Variants in GRIA3 observed in about 807,000 individuals in gnomAD.
The protein encoded by GRIA3 is glutamate receptor 3.
A neutral mutation model predicts 63.0 loss-of-function variants in GRIA3; 3 were observed. The ratio of observed to expected loss-of-function variants is 0.05; its 90% confidence interval spans 0.02 to 0.12. GRIA3 has a LOEUF of 0.12. GRIA3 is among the 10% of genes least tolerant of loss of function. GRIA3 has a pLI of 1.00. For synonymous variants in GRIA3, 274 were observed against 257.9 expected (o/e 1.06, Z -0.60); for missense variants, 347 against 700.9 (o/e 0.50, Z 5.70).
At chrX:123,437,514 G>C (rs1243024953) in intron 12 of GRIA3, among the ~76,000 whole-genome samples, 1 of 60,894 alleles carries the variant, frequency 1.6e-5, no homozygotes, top group Non-Finnish European at 3.3e-5. Context: ...ATTCCAAACA[G>C]AAGTCATGCG....
At chrX:123,479,846 C>T (rs961837709) in intron 13 of GRIA3, among the ~76,000 whole-genome samples, 2 of 111,710 alleles carry the variant, frequency 1.8e-5, no homozygotes, top group Admixed American at 9.5e-5. Flanking sequence ...CAGTGTGTGC[C>T]GATTACTCAA....
At chrX:123,284,626 G>C (rs766257355) in intron 3 of GRIA3, among the ~76,000 whole-genome samples, 3 of 109,698 alleles carry the variant, frequency 2.7e-5, no homozygotes, top group African/African-American at 1.0e-4. Flanking sequence ...TAGCTGAATC[G>C]ATCAAGCAGA....
intron 4 of GRIA3, among the ~76,000 whole-genome samples, chrX:123,343,208 T>C (rs2045020375): frequency 8.9e-6 from 1 of 111,915 alleles, no homozygotes; most frequent in Non-Finnish European, 1.9e-5. Flanking sequence ...AAAAGCTCAG[T>C]ACATTTTAGC....
intron 11 of GRIA3, among the ~76,000 whole-genome samples, chrX:123,418,691 C>T (rs889327461): frequency 1.8e-5 from 2 of 111,949 alleles, no homozygotes; most frequent in Non-Finnish European, 3.8e-5. Flanking sequence ...AAATTAAAAC[C>T]ACAATGAGAT....
At chrX:123,307,249 T>C (rs1272828291) in intron 3 of GRIA3, among the ~76,000 whole-genome samples, 1 of 111,860 alleles carries the variant, frequency 8.9e-6, no homozygotes, top group Non-Finnish European at 1.9e-5. Flanking sequence ...TTCAGAATTT[T>C]CATCAATGTA....
chrX:123,282,743 T>TAA (rs2044593629), intron 3 of GRIA3, among the ~76,000 whole-genome samples: 1 of 112,206 alleles, frequency 8.9e-6, no homozygotes, highest in Non-Finnish European at 1.9e-5. Context: ...CTGTCTCTAC[T>TAA]AAAAATATAA....
intron 13 of GRIA3, among the ~76,000 whole-genome samples, chrX:123,475,132 T>G (rs1206812058): frequency 8.9e-6 from 1 of 111,872 alleles, no homozygotes; most frequent in Admixed American, 9.5e-5. Context: ...TAAATGACTA[T>G]CTAATTCCCA....
intron 3 of GRIA3, among the ~76,000 whole-genome samples, chrX:123,284,298 G>T (rs963780416): frequency 1.8e-5 from 2 of 111,656 alleles, no homozygotes; most frequent in Non-Finnish European, 3.8e-5. Context: ...AAGAAAAACC[G>T]GCACAAAAAG....
At chrX:123,200,934 C>G (rs1043764867) in intron 2 of GRIA3, among the ~76,000 whole-genome samples, 7 of 111,710 alleles carry the variant, frequency 6.3e-5, no homozygotes, top group Non-Finnish European at 1.3e-4. Context: ...AAGCCAGACT[C>G]TCTGAGTTCA....
At chrX:123,452,415 C>T (rs1346409294) in intron 12 of GRIA3, among the ~76,000 whole-genome samples, 1 of 110,077 alleles carries the variant, frequency 9.1e-6, no homozygotes, top group Non-Finnish European at 1.9e-5. Flanking sequence ...TAACCCCAAG[C>T]AAATTGCTTC....
chrX:123,354,520 A>AC (rs755591545), intron 4 of GRIA3, among the ~76,000 whole-genome samples: 34 of 104,783 alleles, frequency 3.2e-4, no homozygotes, highest in African/African-American at 9.4e-4. Context: ...AAAAACAACA[A>AC]AAAAAAAATA....
chrX:123,317,558 TG>T (rs2044839988), intron 3 of GRIA3, among the ~76,000 whole-genome samples: 1 of 111,801 alleles, frequency 8.9e-6, no homozygotes, highest in Non-Finnish European at 1.9e-5. Context: ...ACAGGGCCCA[TG>T]TAAGTCCAAA....
At chrX:123,323,185 C>T (rs1286157172) in intron 3 of GRIA3, among the ~76,000 whole-genome samples, 2 of 112,270 alleles carry the variant, frequency 1.8e-5, no homozygotes, top group African/African-American at 3.2e-5. Context: ...GGTAATCCTA[C>T]ATCTCAGAGA....
chrX:123,255,698 CTAAA>C (rs1239464149), intron 3 of GRIA3, among the ~76,000 whole-genome samples: 1 of 108,355 alleles, frequency 9.2e-6, no homozygotes, highest in Non-Finnish European at 1.9e-5. Flanking sequence ...AATCATCTAA[CTAAA>C]TAGTTTGGAC....
At chrX:123,368,827 T>C (rs2045230095) in intron 5 of GRIA3, among the ~76,000 whole-genome samples, 1 of 111,033 alleles carries the variant, frequency 9.0e-6, no homozygotes, top group African/African-American at 3.3e-5. Flanking sequence ...CTCTAATAAT[T>C]TAGCTAATCA....
Position 123,389,797 on chromosome X carries a change from T to C in GRIA3, c.751-5171T>C, listed in dbSNP as rs181483075. On this transcript the variant is annotated intron_variant, in intron 5 of 15. Transcript: ENST00000620443. Reference sequence around the variant, plus strand: ...AACTCAGCTCACTGCAAGCTCCACCTCCTGGGTTCGCCATTCTCCTGGCTC... The same window carrying C: ...AACTCAGCTCACTGCAAGCTCCACCCCCTGGGTTCGCCATTCTCCTGGCTC... 4.1e-3 allele frequency among the ~76,000 whole-genome samples: 459 copies of C among 111,152 alleles called. 2 individuals carry two copies. Among genetic ancestry groups the C allele is most frequent in the Middle Eastern group, 0.028 (6 of 216 alleles).
rs2044701847 is a variant in GRIA3, at chrX:123,298,760, C to T, written c.509-27266C>T. On this transcript the variant is annotated intron_variant, in intron 3 of 15. Transcript: ENST00000620443. Reference sequence around the variant, plus strand: ...ATTAGATACCATTTGTCAATTTTTGCTTTTGTTGCAGTTGCTTTTGGTGTC... The same window carrying T: ...ATTAGATACCATTTGTCAATTTTTGTTTTTGTTGCAGTTGCTTTTGGTGTC... Among the ~76,000 whole-genome samples, 3 of 111,482 alleles carry T rather than the reference C, an allele frequency of 2.7e-5. No homozygotes were observed. The South Asian group carries it at 1.1e-3, about 41-fold the overall frequency.
intron 5 of GRIA3, among the ~76,000 whole-genome samples, chrX:123,394,277 G>A (rs775727949): frequency 7.2e-5 from 8 of 111,054 alleles, no homozygotes; most frequent in Non-Finnish European, 1.3e-4. Context: ...CACGAGAATC[G>A]CTTGAACCCG....
rs760824587 is a variant in GRIA3 at position 123,471,990 on chromosome X, CATATAT to C, written c.2324+6905_2324+6910del. Among the ~76,000 whole-genome samples, 92 of 13,415 alleles carry C rather than the reference CATATAT, an allele frequency of 6.9e-3. 11 individuals are homozygous for C. The highest frequency in any genetic ancestry group is 0.04 in the Admixed American group (38 of 948). 11.6% of individuals were successfully genotyped at this position (13,415 alleles called of 115,157 possible). On this transcript the variant is annotated intron_variant, in intron 13 of 15. Coordinates refer to ENST00000620443, the MANE Select transcript of GRIA3 (RefSeq NM_007325.5). The stretch of plus-strand genomic sequence containing the variant: ...AATATATACCTAAGGCAATGGCATT[CATATAT>C]ATATATATATATATATATATATATA...
Sources: gnomAD v4.1 joint callset for allele counts (sites outside exome capture counted in the v4.1 genomes callset) on GRCh38, gnomAD v4.1.1 for gene constraint, MANE v1.5 for transcripts, NCBI Gene and HGNC (gene_info 2026-07-23, HGNC 2026-07-21) for gene names.